The following DENND5A variants were observed in gnomAD, a reference collection of about 807,000 sequenced individuals.
The protein encoded by DENND5A is DENN domain-containing protein 5A.
A neutral mutation model predicts 140.3 loss-of-function variants in DENND5A; 64 were observed. That is an observed-to-expected ratio of 0.46 (90% CI 0.37 to 0.56). The LOEUF (loss-of-function observed/expected upper bound fraction) is 0.56, where lower values mean the gene tolerates loss of function less well. Among genes scored for constraint, DENND5A ranks in the 20% least tolerant of loss-of-function variants. The probability of loss-of-function intolerance (pLI) is 0.00; values close to 1 mark genes in which losing one functional copy is unlikely to be tolerated. For missense variants in DENND5A, 1,292 were observed against 1,593.8 expected (o/e 0.81, Z 3.22); for synonymous variants, 605 against 607.7 (o/e 1.00, Z 0.07).
At chr11:9,174,205 G>C (rs372097617) in intron 8 of DENND5A, among the ~76,000 whole-genome samples, 7 of 151,124 alleles carry the variant, frequency 4.6e-5, no homozygotes, top group African/African-American at 1.7e-4. Flanking sequence ...GAACAGATGG[G>C]ACAAATAGAA....
intron 1 of DENND5A, among the ~76,000 whole-genome samples, chr11:9,227,882 G>A (rs964185969): frequency 9.2e-5 from 14 of 151,872 alleles, no homozygotes; most frequent in East Asian, 3.9e-4. Context: ...CCGTGGGGGC[G>A]GGTGGCGAAT....
At chr11:9,157,967 A>T (rs1847866632) in intron 12 of DENND5A, among the ~76,000 whole-genome samples, 1 of 152,196 alleles carries the variant, frequency 6.6e-6, no homozygotes, top group Non-Finnish European at 1.5e-5. Context: ...TAGTGTTGCT[A>T]CTACACCAGT....
intron 9 of DENND5A, chr11:9,170,182 C>G: frequency 1.4e-6 from 1 of 733,692 alleles, no homozygotes; most frequent in Non-Finnish European, 1.7e-6. Context: ...TCTACAAACA[C>G]TTGACATATA....
intron 1 of DENND5A, among the ~76,000 whole-genome samples, chr11:9,261,777 CAAAAA>C (rs10651988): frequency 2.2e-5 from 2 of 89,820 alleles, no homozygotes; most frequent in Non-Finnish European, 4.1e-5. Context: ...GACTGTGTCT[CAAAAA>C]AAAAAAAAAA....
intron 22 of DENND5A, chr11:9,140,237 T>A: frequency 7.7e-7 from 1 of 1,304,992 alleles, no homozygotes; most frequent in Non-Finnish European, 1.0e-6. Context: ...AGATTTAATC[T>A]TCATGATAAC....
chr11:9,238,698 G>A (rs1851107574), intron 1 of DENND5A, among the ~76,000 whole-genome samples: 2 of 152,022 alleles, frequency 1.3e-5, no homozygotes, highest in African/African-American at 4.8e-5. Context: ...ACAGGTGTGA[G>A]CCACTGTGCC....
chr11:9,232,542 C>T (rs1222964257), intron 1 of DENND5A, among the ~76,000 whole-genome samples: 2 of 152,072 alleles, frequency 1.3e-5, no homozygotes, highest in African/African-American at 4.8e-5. Context: ...TATATAACCA[C>T]CAGAATAGCT....
At chr11:9,143,081 T>C in intron 20 of DENND5A, 2 of 604,910 alleles carry the variant, frequency 3.3e-6, no homozygotes, top group Non-Finnish European at 5.7e-6. Context: ...AAGGAGATTC[T>C]CCACTGGAGG....
chr11:9,169,168 T>C (rs1305112816), intron 10 of DENND5A, among the ~76,000 whole-genome samples: 1 of 152,188 alleles, frequency 6.6e-6, no homozygotes, highest in South Asian at 2.1e-4. Context: ...CTTTCTGGGC[T>C]GGGCGCAGTA....
At chr11:9,248,279 A>C (rs1441945628) in intron 1 of DENND5A, among the ~76,000 whole-genome samples, 4 of 152,056 alleles carry the variant, frequency 2.6e-5, no homozygotes, top group African/African-American at 7.2e-5. Context: ...CACAGCGCCC[A>C]GCTGGAATTT....
Position 9,169,847 on chromosome 11 carries a change from G to A in DENND5A, c.2151+9C>T, listed in dbSNP as rs914593302. On this transcript the variant is annotated intron_variant, in intron 10 of 22. Transcript: ENST00000328194. ...CAAGGTCATCCTTATCATTCTTAAG[G>A]TATCTTACCTCCCTCTGGTCATTAT... The A allele has an allele frequency of 1.3e-6, 2 of 1,542,252 alleles. No homozygotes were observed. The highest frequency in any genetic ancestry group is 2.7e-5 in the African/African-American group (2 of 73,454).
chr11:9,143,421 G>A lies in DENND5A; in HGVS notation c.3369C>T (p.Phe1123=). 6.2e-7 allele frequency: 1 copy of A among 1,614,094 alleles called. No homozygotes were observed. Among genetic ancestry groups the A allele is most frequent in the Non-Finnish European group, 8.5e-7 (1 of 1,179,912 alleles). Residue 1123 remains phenylalanine, a synonymous_variant, in exon 20 of 23, where the codon TTC becomes TTT. Coordinates refer to ENST00000328194, the MANE Select transcript of DENND5A (RefSeq NM_015213.4). The stretch of plus-strand genomic sequence containing the variant: ...GGCTCACCTCTTTCTCAGGCTTATG[G>A]AAGTGCTTCACAATGCCATTGACTG... ...GEAVNGIVKH[F]HKPEKERGSL...
intron 5 of DENND5A, among the ~76,000 whole-genome samples, chr11:9,184,920 A>C (rs1848857991): frequency 6.6e-6 from 1 of 152,180 alleles, no homozygotes; most frequent in Non-Finnish European, 1.5e-5. Flanking sequence ...GGCTGGGCAC[A>C]GTGCCTCACG....
chr11:9,210,725 G>T (rs1019564629), intron 1 of DENND5A, among the ~76,000 whole-genome samples: 1 of 152,078 alleles, frequency 6.6e-6, no homozygotes, highest in Non-Finnish European at 1.5e-5. Flanking sequence ...TAGAGTCAGG[G>T]TCTAGCTAGG....
At chr11:9,179,208 A>C (rs1564899303) in intron 6 of DENND5A, 135 bp from the exon 7 acceptor site, 1 of 723,798 alleles carries the variant, frequency 1.4e-6, no homozygotes, top group Non-Finnish European at 2.2e-6. Context: ...AGAACAAAAG[A>C]GGAAAAACTG....
intron 1 of DENND5A, among the ~76,000 whole-genome samples, chr11:9,243,185 A>G (rs1039049191): frequency 2.0e-5 from 3 of 151,898 alleles, no homozygotes; most frequent in African/African-American, 7.2e-5. Context: ...TGGCCTCATT[A>G]AATGCACCAC....
intron 1 of DENND5A, among the ~76,000 whole-genome samples, chr11:9,224,216 T>C (rs139058721): frequency 1.3e-5 from 2 of 152,084 alleles, no homozygotes; most frequent in Non-Finnish European, 2.9e-5. Context: ...AAATAAAACA[T>C]AAGCCTAAAA....
At chr11:9,238,462 C>T (rs1290912337) in intron 1 of DENND5A, among the ~76,000 whole-genome samples, 3 of 151,126 alleles carry the variant, frequency 2.0e-5, no homozygotes, top group African/African-American at 7.3e-5. Context: ...CGCTCTGTCA[C>T]CTAGGCTGCA....
Position 9,164,067 on chromosome 11 carries a change from T to G in DENND5A, c.2283+1769A>C, listed in dbSNP as rs1426641225. 2.4e-4 allele frequency among the ~76,000 whole-genome samples: 21 copies of G among 88,112 alleles called. 1 individual carries two copies. Among genetic ancestry groups the G allele is most frequent in the African/African-American group, 7.9e-4 (19 of 24,000 alleles). The allele number at this position is 88,112 out of a possible 152,430, so 57.8% of individuals were successfully genotyped here. Reference sequence around the variant, plus strand: ...GATATATTAATCAGGTTTTTTTTTTTTTTTTTTTTTTTTTTTTTTTTTGAG... The same window carrying G: ...GATATATTAATCAGGTTTTTTTTTTGTTTTTTTTTTTTTTTTTTTTTTGAG... On this transcript the variant is annotated intron_variant, in intron 11 of 22. Coordinates refer to ENST00000328194, the MANE Select transcript of DENND5A (RefSeq NM_015213.4).
Sources: allele counts gnomAD v4.1 joint callset (sites outside exome capture counted in the v4.1 genomes callset), GRCh38; gene constraint gnomAD v4.1.1; transcripts MANE v1.5; gene names NCBI Gene and HGNC (gene_info 2026-07-23, HGNC 2026-07-21).